Variants in SLC22A3 observed in about 807,000 individuals in gnomAD.
SLC22A3 encodes the protein solute carrier family 22 member 3, also known as EMT organic cation transporter 3.
Under a neutral mutation model 59.1 loss-of-function variants are expected in SLC22A3, and 51 were observed. The observed-to-expected ratio is 0.86, with a 90% CI of 0.69 to 1.09. SLC22A3 has a LOEUF of 1.09. Among genes scored for constraint, SLC22A3 ranks in the 50% least tolerant of loss-of-function variants. The probability of loss-of-function intolerance (pLI) is 0.00; values close to 1 mark genes in which losing one functional copy is unlikely to be tolerated. For missense variants in SLC22A3, 711 were observed against 726.3 expected (o/e 0.98, Z 0.24); for synonymous variants, 325 against 292.0 (o/e 1.11, Z -1.15).
rs770107250 is a variant in SLC22A3 at position 160,437,084 on chromosome 6, C to T, written c.1161C>T (p.Gly387=). ...TCTATATAGACTTTTTCATCTCGGG[C>T]GTGGTGGAACTGCCAGGAGCTCTCT... ...GNLYIDFFIS[G]VVELPGALLI... The change falls in exon 7 of 11, where the codon GGC becomes GGT. Residue 387 remains glycine (G), a synonymous_variant. Transcript: ENST00000275300. 3.8e-5 allele frequency: 62 copies of T among 1,614,006 alleles called. No individual in the cohort carries two copies. Among genetic ancestry groups the T allele is most frequent in the Admixed American group, 1.5e-4 (9 of 59,990 alleles).
Position 160,402,658 on chromosome 6 carries a change from A to G in SLC22A3, c.534-4383A>G, listed in dbSNP as rs316237. ...AATCACATTCTGGGCCATAAAACAT[A>G]TATTAGCAAATTTGAAGAAATAAAA... On this transcript the variant is annotated intron_variant, in intron 2 of 10. Transcript: ENST00000275300. Among the ~76,000 whole-genome samples, 797 of 151,948 alleles carry G rather than the reference A, an allele frequency of 5.2e-3. 12 individuals are homozygous for G. The East Asian group carries it at 0.062, about 12-fold the overall frequency.
intron 1 of SLC22A3, among the ~76,000 whole-genome samples, chr6:160,376,003 G>C (rs1785576075): frequency 6.6e-6 from 1 of 152,114 alleles, no homozygotes; most frequent in Non-Finnish European, 1.5e-5. Flanking sequence ...AGGACTTAAT[G>C]AGATGTAGAG....
chr6:160,398,152 T>A (rs999509921), intron 2 of SLC22A3, 70 bp downstream of exon 2: 10 of 1,124,430 alleles, frequency 8.9e-6, no homozygotes, highest in African/African-American at 4.6e-5. Context: ...GAAAAATGTT[T>A]TATGTTAACT....
chr6:160,407,409 A>G lies in SLC22A3; in HGVS notation c.688+214A>G, dbSNP rs1203313554. Among the ~76,000 whole-genome samples the G allele has an allele frequency of 2.6e-5, 4 of 152,220 alleles. No individual in the cohort carries two copies. The East Asian group carries it at 5.8e-4, about 22-fold the overall frequency. On this transcript the variant is annotated intron_variant, in intron 3 of 10. Coordinates refer to ENST00000275300, the MANE Select transcript of SLC22A3 (RefSeq NM_021977.4). Reference sequence around the variant, plus strand: ...CCACCTTACTTTGGGAGCCAAATATAGAATATTATAAAGCACTGGGGCAAA... The same window carrying G: ...CCACCTTACTTTGGGAGCCAAATATGGAATATTATAAAGCACTGGGGCAAA...
At chr6:160,404,542 A>G (rs1786925139) in intron 2 of SLC22A3, among the ~76,000 whole-genome samples, 1 of 152,132 alleles carries the variant, frequency 6.6e-6, no homozygotes, top group Non-Finnish European at 1.5e-5. Context: ...TATTCAATAC[A>G]ATACTAATCA....
At chr6:160,448,482 G>A (rs1346188629) in intron 10 of SLC22A3, among the ~76,000 whole-genome samples, 1 of 152,030 alleles carries the variant, frequency 6.6e-6, no homozygotes, top group African/African-American at 2.4e-5. Context: ...TAAATAGACA[G>A]GTAGATGATA....
chr6:160,348,507 G>T lies in SLC22A3; in HGVS notation c.88G>T (p.Val30Phe). The T allele has an allele frequency of 6.4e-7, 1 of 1,563,668 alleles. No homozygotes were observed. The highest frequency in any genetic ancestry group is 8.6e-7 in the Non-Finnish European group (1 of 1,162,184). Residue 30 changes from valine to phenylalanine, a missense_variant, in exon 1 of 11, where the codon GTC becomes TTC. Val to Phe is a conservative substitution (Grantham distance 50). Coordinates refer to ENST00000275300, the MANE Select transcript of SLC22A3 (RefSeq NM_021977.4). Reference sequence around the variant, plus strand: ...GTTTTTGCTGCTGTGCCTGACGGGCGTCACCTTCGCCTTCCTCTTCGTCGG... The same window carrying T: ...GTTTTTGCTGCTGTGCCTGACGGGCTTCACCTTCGCCTTCCTCTTCGTCGG... ...RVFLLLCLTG[V>F]TFAFLFVGVV...
In SLC22A3 at chr6:160,438,597, T is replaced by C. The variant is rs62440428; in HGVS notation, c.1288+1386T>C. 3.6e-4 allele frequency among the ~76,000 whole-genome samples: 54 copies of C among 149,760 alleles called. 1 individual carries two copies. The highest frequency in any genetic ancestry group is 1.0e-4 in the Non-Finnish European group (7 of 67,238). ...TATTCGGAACACACACACACACACA[T>C]ACACACACACACACACACACACACA... On this transcript the variant is annotated intron_variant, in intron 7 of 10. Transcript: ENST00000275300.
chr6:160,367,449 T>C (rs991907195), intron 1 of SLC22A3, among the ~76,000 whole-genome samples: 1 of 152,220 alleles, frequency 6.6e-6, no homozygotes, highest in African/African-American at 2.4e-5. Flanking sequence ...TGGTTTCTTT[T>C]ACTGAAGCAT....
intron 5 of SLC22A3, among the ~76,000 whole-genome samples, chr6:160,419,372 T>G (rs59084720): frequency 0.023 from 3,556 of 152,318 alleles, 77 homozygotes; most frequent in African/African-American, 0.046. Flanking sequence ...GGAACCACAC[T>G]ATGATTCCAA....
At chr6:160,433,343 A>C (rs1214488787) in intron 5 of SLC22A3, among the ~76,000 whole-genome samples, 5 of 152,240 alleles carry the variant, frequency 3.3e-5, no homozygotes, top group African/African-American at 1.2e-4. Context: ...ATCACTTAAA[A>C]ACAGTGAAGA....
At chr6:160,435,871 T>C (rs1788316900) in intron 5 of SLC22A3, among the ~76,000 whole-genome samples, 1 of 152,142 alleles carries the variant, frequency 6.6e-6, no homozygotes. Flanking sequence ...CAAACAGTTG[T>C]TGAACACCAG....
At chr6:160,440,116 A>T (rs6922288) in intron 7 of SLC22A3, among the ~76,000 whole-genome samples, 1 of 152,214 alleles carries the variant, frequency 6.6e-6, no homozygotes, top group African/African-American at 2.4e-5. Context: ...TTCTGGTTGT[A>T]TTCTCATCTC....
intron 1 of SLC22A3, among the ~76,000 whole-genome samples, chr6:160,352,835 G>GT (rs1189525337): frequency 6.6e-6 from 1 of 152,056 alleles, no homozygotes; most frequent in Admixed American, 6.6e-5. Context: ...GTTTTGTTTT[G>GT]TTTTTTGACA....
At chr6:160,442,907 T>C (rs777186082) in intron 8 of SLC22A3, 38 bp downstream of exon 8, 1 of 1,467,168 alleles carries the variant, frequency 6.8e-7, no homozygotes, top group Non-Finnish European at 9.6e-7. Context: ...CCTAAGTAAC[T>C]CTGTAGACCA....
intron 5 of SLC22A3, among the ~76,000 whole-genome samples, chr6:160,430,043 T>C (rs1228019985): frequency 6.6e-6 from 1 of 152,008 alleles, no homozygotes; most frequent in Non-Finnish European, 1.5e-5. Context: ...CTATGACATA[T>C]TGTGTGCCAG....
chr6:160,386,269 T>C (rs923428039), intron 1 of SLC22A3, among the ~76,000 whole-genome samples: 2 of 152,238 alleles, frequency 1.3e-5, no homozygotes, highest in African/African-American at 4.8e-5. Context: ...TTCTGTTTTC[T>C]GAAGTCTGCC....
rs765503416 is a variant in SLC22A3 at position 160,348,846 on chromosome 6, G to A, written c.427G>A (p.Glu143Lys). Residue 143 changes from glutamate (E) to lysine (K), a missense_variant and splice_region_variant, in exon 1 of 11, where the codon GAG becomes AAG. Transcript: ENST00000275300. ...CCAGGCCCACTCCACCATCGTCAGC[G>A]AGGTAAGGGCGCCCCGGCCCTTTGG... The part of the protein sequence containing the change: ...YAQAHSTIVS[E>K]FDLVCVNAWM... 3 of 1,583,210 alleles carry A rather than the reference G, an allele frequency of 1.9e-6. No homozygotes were observed. The highest frequency in any genetic ancestry group is 3.4e-5 in the Admixed American group (2 of 58,380).
chr6:160,427,340 T>G (rs1475389353), intron 5 of SLC22A3, among the ~76,000 whole-genome samples: 1 of 152,210 alleles, frequency 6.6e-6, no homozygotes, highest in East Asian at 1.9e-4. Flanking sequence ...CCAGTCACCC[T>G]TGCCCTGAGA....
Sources: allele counts gnomAD v4.1 joint callset (sites outside exome capture counted in the v4.1 genomes callset), GRCh38; gene constraint gnomAD v4.1.1; transcripts MANE v1.5; gene names NCBI Gene and HGNC (gene_info 2026-07-23, HGNC 2026-07-21).